The following PUM3 variants were observed in gnomAD, a reference collection of about 807,000 sequenced individuals.
The protein encoded by PUM3 is pumilio RNA binding family member 3, also known as pumilio homolog 3.
A neutral mutation model predicts 84.0 loss-of-function variants in PUM3; 91 were observed. The ratio of observed to expected loss-of-function variants is 1.08; its 90% CI spans 0.91 to 1.29. The LOEUF (loss-of-function observed/expected upper bound fraction) is 1.29, where lower values mean the gene tolerates loss of function less well. Among genes scored for constraint, PUM3 ranks in the 50% most tolerant of loss-of-function variants. The pLI, the probability that PUM3 is intolerant of heterozygous loss-of-function variation, is 0.00. For synonymous variants in PUM3, 321 were observed against 266.7 expected, an observed-to-expected ratio of 1.20 and a Z score of -1.98; for missense variants, 1,067 against 767.5, an observed-to-expected ratio of 1.39 and a Z score of -4.61.
In PUM3 at chr9:2,811,575, T is replaced by G. The variant is rs950642048; in HGVS notation, c.1421A>C (p.Asp474Ala). The change falls in exon 15 of 18, where the codon GAT becomes GCT. Residue 474 changes from aspartate to alanine, a missense_variant. Transcript: ENST00000397885. ...KGDGNAHSKKDTEVRRRELLE... is the reference protein window; with the variant it reads ...KGDGNAHSKKATEVRRRELLE... ...GAGCTCCCGTCTGCGGACCTCTGTA[T>G]CTTTCTTACTGTTGAGTATGTTGAA... 2.5e-6 allele frequency: 4 copies of G among 1,613,230 alleles called. No homozygotes were observed. The highest frequency in any genetic ancestry group is 3.3e-5 in the Admixed American group (2 of 60,018).
intron 10 of PUM3, among the ~76,000 whole-genome samples, chr9:2,825,817 G>A (rs982389491): frequency 1.3e-5 from 2 of 152,086 alleles, no homozygotes; most frequent in Non-Finnish European, 2.9e-5. Flanking sequence ...GGATGTAAAT[G>A]AGTTCTGGCA....
At position 2,808,024 on chromosome 9, in the gene PUM3, T is replaced by C. The variant is rs1190639663; in HGVS notation, c.1724-120A>G. 9.3e-6 allele frequency: 6 copies of C among 645,690 alleles called. No homozygotes were observed. In the East Asian group the frequency reaches 1.7e-4, roughly 18 times the overall value. The allele number at this position is 645,690 out of a possible 1,614,324, so 40.0% of individuals were successfully genotyped here. On this transcript the variant is annotated intron_variant, in intron 16 of 17. Transcript: ENST00000397885. The stretch of plus-strand genomic sequence containing the variant: ...AACAAAAAAGCTAACAAAAGTAGCT[T>C]TCACCCAATCTCCCTTTTAACACAA...
chr9:2,823,251 T>G (rs1222393758), intron 12 of PUM3, among the ~76,000 whole-genome samples: 1 of 152,066 alleles, frequency 6.6e-6, no homozygotes, highest in East Asian at 1.9e-4. Flanking sequence ...ATGAATTTCA[T>G]TAGGAAAATT....
At position 2,833,339 on chromosome 9, in the gene PUM3, T is replaced by C; in HGVS notation, c.516+18A>G. The C allele has an allele frequency of 7.1e-7, 1 of 1,402,188 alleles. No homozygotes were observed. The highest frequency in any genetic ancestry group is 1.0e-6 in the Non-Finnish European group (1 of 1,000,424). The allele number at this position is 1,402,188 out of a possible 1,614,324, so 86.9% of individuals were successfully genotyped here. ...CTTCAACTGTTAAAAATTGCAACAATGAGTATATGCTACTTACAGTTTTAA... is the reference window on the plus strand; with the variant it reads ...CTTCAACTGTTAAAAATTGCAACAACGAGTATATGCTACTTACAGTTTTAA... On this transcript the variant is annotated intron_variant, in intron 5 of 17. Transcript: ENST00000397885.
chr9:2,832,751 C>T (rs893472465), intron 5 of PUM3, among the ~76,000 whole-genome samples: 1 of 152,144 alleles, frequency 6.6e-6, no homozygotes, highest in East Asian at 1.9e-4. Context: ...CTGGTTAGAC[C>T]TATGCATCTG....
chr9:2,817,902 C>T (rs1586720523), intron 13 of PUM3, among the ~76,000 whole-genome samples: 1 of 152,190 alleles, frequency 6.6e-6, no homozygotes, highest in South Asian at 2.1e-4. Context: ...TATTTACTTT[C>T]CAGCGACCAT....
At chr9:2,834,442 T>C (rs1291697017) in intron 3 of PUM3, among the ~76,000 whole-genome samples, 1 of 152,184 alleles carries the variant, frequency 6.6e-6, no homozygotes, top group East Asian at 1.9e-4. Context: ...ACTAGAATAT[T>C]TTAAATATCT....
At chr9:2,836,796 T>C (rs368415397) in intron 3 of PUM3, among the ~76,000 whole-genome samples, 5 of 152,144 alleles carry the variant, frequency 3.3e-5, no homozygotes, top group African/African-American at 9.6e-5. Flanking sequence ...TTACTGATTA[T>C]TTTTGTGTGT....
Position 2,823,766 on chromosome 9 carries a change from T to A in PUM3, c.1188+15A>T, listed in dbSNP as rs201213213. ...TATCAAAAATAATTAGAATATGTAGTTTTATTATACTTACATTAGCCACCT... is the reference window on the plus strand; with the variant it reads ...TATCAAAAATAATTAGAATATGTAGATTTATTATACTTACATTAGCCACCT... On this transcript the variant is annotated intron_variant, in intron 12 of 17. Coordinates refer to ENST00000397885, the MANE Select transcript of PUM3 (RefSeq NM_014878.5). 227 of 1,245,412 alleles carry A rather than the reference T, an allele frequency of 1.8e-4. No individual in the cohort carries two copies. The African/African-American group carries it at 3.0e-3, about 17-fold the overall frequency. The allele number at this position is 1,245,412 out of a possible 1,614,324, so 77.1% of individuals were successfully genotyped here.
At chr9:2,835,763 C>G (rs770321423) in intron 3 of PUM3, among the ~76,000 whole-genome samples, 1 of 152,118 alleles carries the variant, frequency 6.6e-6, no homozygotes, top group Non-Finnish European at 1.5e-5. Flanking sequence ...TGTCTAGTAA[C>G]CAATCTCTCA....
chr9:2,836,425 G>A (rs1057088940), intron 3 of PUM3, among the ~76,000 whole-genome samples: 52 of 152,122 alleles, frequency 3.4e-4, no homozygotes, highest in African/African-American at 8.9e-4. Context: ...GCACGACAGC[G>A]GAATGTTATA....
Position 2,819,388 on chromosome 9 carries a change from G to A in PUM3, c.1269+630C>T, listed in dbSNP as rs141625900. 3.7e-3 allele frequency among the ~76,000 whole-genome samples: 557 copies of A among 152,294 alleles called. 3 individuals carry two copies. In the Middle Eastern group the frequency reaches 0.037, roughly 10 times the overall value. ...CTACATTCAAGTATTACCACTTTAT[G>A]GCCACTACACTGGACTAGAAGGAAT... On this transcript the variant is annotated intron_variant, in intron 13 of 17. Coordinates refer to ENST00000397885, the MANE Select transcript of PUM3 (RefSeq NM_014878.5).
At chr9:2,823,952 A>G (rs1815738103) in intron 11 of PUM3, 118 bp from the exon 12 acceptor site, 1 of 540,392 alleles carries the variant, frequency 1.9e-6, no homozygotes, top group South Asian at 3.1e-5. Context: ...TGTTTTCATT[A>G]GTAAAAATAA....
At chr9:2,812,692 A>G (rs1821397775) in intron 13 of PUM3, among the ~76,000 whole-genome samples, 1 of 152,234 alleles carries the variant, frequency 6.6e-6, no homozygotes, top group African/African-American at 2.4e-5. Context: ...AAGCACACAG[A>G]GATTTACATT....
At position 2,827,279 on chromosome 9, in the gene PUM3, T is replaced by C. The variant is rs574967338; in HGVS notation, c.957-128A>G. The C allele has an allele frequency of 4.5e-4, 272 of 605,948 alleles. 5 individuals are homozygous for C. The Middle Eastern group carries it at 7.4e-3, about 17-fold the overall frequency. 37.5% of individuals were successfully genotyped at this position (605,948 alleles called of 1,614,324 possible). A position where few individuals can be genotyped will look rare whatever the true frequency, so the allele number is the denominator to read the frequency against. On this transcript the variant is annotated intron_variant, in intron 9 of 17. Coordinates refer to ENST00000397885, the MANE Select transcript of PUM3 (RefSeq NM_014878.5). ...TGGTTTTACTGAATACAATTTGTCA[T>C]AAAATAGACTGTATTTTTCAGAAAT...
Position 2,830,558 on chromosome 9 carries a change from G to T in PUM3, c.677+404C>A, listed in dbSNP as rs182892241. Among the ~76,000 whole-genome samples, 4 of 152,242 alleles carry T rather than the reference G, an allele frequency of 2.6e-5. No individual in the cohort carries two copies. In the East Asian group the frequency reaches 7.7e-4, roughly 29 times the overall value. On this transcript the variant is annotated intron_variant, in intron 7 of 17. Transcript: ENST00000397885. ...TATTTCTCTTCTTCCAGAGGTTCAA[G>T]ATAAACATTCACAAATCATCCATCA...
chr9:2,825,964 G>T lies in PUM3; in HGVS notation c.1035+1109C>A, dbSNP rs547667871. 1.9e-4 allele frequency among the ~76,000 whole-genome samples: 29 copies of T among 152,216 alleles called. 1 individual carries two copies. Among genetic ancestry groups the T allele is most frequent in the African/African-American group, 7.0e-4 (29 of 41,530 alleles). On this transcript the variant is annotated intron_variant, in intron 10 of 17. Coordinates refer to ENST00000397885, the MANE Select transcript of PUM3 (RefSeq NM_014878.5). ...AAGGAACAAACAATTTCAGCCTCAA[G>T]TATCTAACAATCCCTTCCCAAGATG... is the stretch of plus-strand genomic sequence containing the variant.
chr9:2,804,566 T>G (rs1821223724), intron 17 of PUM3, 103 bp from the exon 18 acceptor site: 10 of 1,057,104 alleles, frequency 9.5e-6, no homozygotes, highest in Non-Finnish European at 1.3e-5. Context: ...GACACAAGCC[T>G]TGTAACTATA....
intron 12 of PUM3, among the ~76,000 whole-genome samples, chr9:2,822,751 T>C (rs960990312): frequency 1.3e-4 from 20 of 148,184 alleles, no homozygotes; most frequent in South Asian, 1.3e-3. Context: ...TGTTATATAA[T>C]ATATAACATT....
Sources: gnomAD v4.1 joint callset for allele counts (sites outside exome capture counted in the v4.1 genomes callset) on GRCh38, gnomAD v4.1.1 for gene constraint, MANE v1.5 for transcripts, NCBI Gene and HGNC (gene_info 2026-07-23, HGNC 2026-07-21) for gene names.